Variants in NEB observed in about 807,000 individuals in gnomAD.
NEB encodes the protein nebulin, also known as nemaline myopathy type 2.
NEB carries 512 observed loss-of-function variants against 952.2 expected under a neutral mutation model. The observed-to-expected ratio is 0.54, with a 90% CI of 0.50 to 0.58. The LOEUF (loss-of-function observed/expected upper bound fraction) is 0.58, where lower values mean the gene tolerates loss of function less well. Among genes scored for constraint, NEB ranks in the 20% least tolerant of loss-of-function variants. The pLI is 0.00. For synonymous variants in NEB, 2,900 were observed against 3,149.8 expected (o/e 0.92, Z 2.66); for missense variants, 8,428 against 9,231.1 (o/e 0.91, Z 3.56).
intron 74 of NEB, among the ~76,000 whole-genome samples, chr2:151,617,872 C>A (rs1288599555): frequency 6.6e-6 from 1 of 151,920 alleles, no homozygotes; most frequent in South Asian, 2.1e-4. Flanking sequence ...GACCAGCCTT[C>A]AACATGGTGA....
At position 151,563,947 on chromosome 2, in the gene NEB, C is replaced by A; in HGVS notation, c.18472-17G>T. On this transcript the variant is annotated splice_polypyrimidine_tract_variant and intron_variant, in intron 117 of 181. Coordinates refer to ENST00000397345, the MANE Select transcript of NEB (RefSeq NM_001164508.2). ...ATACAGTATCTAGAACAAAGAAATA[C>A]ATGGCAACAAAAGTTTTCTTTCAAC... is the stretch of plus-strand genomic sequence containing the variant. 1 of 1,554,866 alleles carries A rather than the reference C, an allele frequency of 6.4e-7. No individual in the cohort carries two copies. Among genetic ancestry groups the A allele is most frequent in the South Asian group, 1.2e-5 (1 of 85,204 alleles).
At chr2:151,687,940 G>T (rs2099515860) in intron 25 of NEB, among the ~76,000 whole-genome samples, 1 of 152,072 alleles carries the variant, frequency 6.6e-6, no homozygotes, top group Non-Finnish European at 1.5e-5. Flanking sequence ...TCTTTTTAAT[G>T]TTCTGTAAAC....
chr2:151,728,449 C>T (rs1470742510), intron 4 of NEB, among the ~76,000 whole-genome samples: 1 of 152,144 alleles, frequency 6.6e-6, no homozygotes, highest in Non-Finnish European at 1.5e-5. Flanking sequence ...AAATGAATCG[C>T]ATCAATATTA....
intron 83 of NEB, among the ~76,000 whole-genome samples, chr2:151,607,007 A>G (rs1000036888): frequency 1.1e-5 from 1 of 91,992 alleles, no homozygotes; most frequent in African/African-American, 2.7e-5. Flanking sequence ...CTAAGGATCA[A>G]TGGGGAAGCC....
At chr2:151,683,334 G>A (rs188700206) in intron 28 of NEB, among the ~76,000 whole-genome samples, 5 of 152,256 alleles carry the variant, frequency 3.3e-5, no homozygotes, top group East Asian at 3.9e-4. Flanking sequence ...ATAAGAGGGC[G>A]GTTATTATTT....
intron 166 of NEB, 176 bp from the exon 167 acceptor site, chr2:151,503,061 T>C (rs545974205): frequency 2.2e-5 from 13 of 585,858 alleles, no homozygotes; most frequent in Non-Finnish European, 3.3e-5. Flanking sequence ...ACAATGCTAA[T>C]TCTGGAAATG....
chr2:151,658,219 T>C, intron 47 of NEB, 129 bp from the exon 48 acceptor site: 1 of 627,386 alleles, frequency 1.6e-6, no homozygotes, highest in Non-Finnish European at 2.8e-6. Context: ...GGTGCTTCAG[T>C]GGCTGAATGT....
chr2:151,528,365 C>A (rs905741569), intron 146 of NEB, among the ~76,000 whole-genome samples: 1 of 152,178 alleles, frequency 6.6e-6, no homozygotes, highest in Non-Finnish European at 1.5e-5. Context: ...TTTATGTATA[C>A]TATTTAATAA....
At chr2:151,663,102 C>T (rs1013810728) in intron 45 of NEB, among the ~76,000 whole-genome samples, 1 of 152,180 alleles carries the variant, frequency 6.6e-6, no homozygotes, top group East Asian at 1.9e-4. Context: ...ATCACCTTCT[C>T]AAAATTTCAT....
At chr2:151,665,238 A>G in intron 42 of NEB, 95 bp downstream of exon 42, 9 of 1,203,572 alleles carry the variant, frequency 7.5e-6, no homozygotes, top group Non-Finnish European at 1.1e-5. Context: ...GACGATCAGA[A>G]AGAAACACTG....
chr2:151,501,282 A>G (rs931937232), intron 168 of NEB, 109 bp downstream of exon 168: 26 of 738,924 alleles, frequency 3.5e-5, no homozygotes, highest in Non-Finnish European at 5.3e-5. Flanking sequence ...ATGTGATTAA[A>G]AAAAGATTTT....
intron 25 of NEB, 131 bp from the exon 26 acceptor site, chr2:151,687,864 A>G: frequency 1.2e-6 from 1 of 861,288 alleles, no homozygotes. Context: ...ATCAAATTGT[A>G]GTATAAGTAT....
At chr2:151,568,950 T>C (rs188962960) in intron 110 of NEB, among the ~76,000 whole-genome samples, 49 of 152,340 alleles carry the variant, frequency 3.2e-4, no homozygotes, top group African/African-American at 1.1e-3. Flanking sequence ...CTCAAAGTTA[T>C]ATAATGTATC....
intron 105 of NEB, among the ~76,000 whole-genome samples, 158 bp from the exon 106 acceptor site, chr2:151,576,512 ATATATTTTTTTTTTTTTTTTTTTTT>A (rs1300747500): frequency 2.1e-4 from 6 of 28,930 alleles, no homozygotes; most frequent in Non-Finnish European, 1.7e-4. Flanking sequence ...ATATATATAT[ATATATTTTTTTTTTTTTTTTTTTTT>A]TTTTTTTTTT....
chr2:151,494,142 T>G lies in NEB; in HGVS notation c.24579+19A>C. ...TTATTTTGCAAAATTAAAAGCACTT[T>G]TGTTTCTCAAGACAATACCGAGCTA... On this transcript the variant is annotated intron_variant, in intron 174 of 181. Transcript: ENST00000397345. 6.3e-7 allele frequency: 1 copy of G among 1,582,212 alleles called. No homozygotes were observed. The highest frequency in any genetic ancestry group is 8.6e-7 in the Non-Finnish European group (1 of 1,159,878).
intron 48 of NEB, among the ~76,000 whole-genome samples, chr2:151,656,825 A>G (rs2154150807): frequency 6.7e-6 from 1 of 149,554 alleles, no homozygotes; most frequent in Middle Eastern, 3.4e-3. Context: ...GGCCTTTAGT[A>G]GGTAAAAAGA....
At chr2:151,541,572 C>T in intron 135 of NEB, 21 bp from the exon 136 acceptor site, 1 of 1,584,386 alleles carries the variant, frequency 6.3e-7, no homozygotes, top group Non-Finnish European at 8.7e-7. Flanking sequence ...ACCAAGTTAT[C>T]ACCATCATTT....
At chr2:151,624,828 C>T (rs142779425) in intron 71 of NEB, among the ~76,000 whole-genome samples, 65 of 152,216 alleles carry the variant, frequency 4.3e-4, no homozygotes, top group East Asian at 1.4e-3. Flanking sequence ...TTGAGCAAGA[C>T]GCTATTTATG....
intron 54 of NEB, among the ~76,000 whole-genome samples, chr2:151,647,876 T>C (rs11904536): frequency 0.26 from 39,395 of 152,154 alleles, 7,309 homozygotes; most frequent in East Asian, 0.53. Context: ...AGTGATAAAA[T>C]TGAATAAATT....
Sources: gnomAD v4.1 joint callset for allele counts (sites outside exome capture counted in the v4.1 genomes callset) on GRCh38, gnomAD v4.1.1 for gene constraint, MANE v1.5 for transcripts, NCBI Gene and HGNC (gene_info 2026-07-23, HGNC 2026-07-21) for gene names.